Variants in LMF1 observed in about 807,000 individuals in gnomAD.
LMF1 encodes lipase maturation factor 1, also known as transmembrane protein 112.
Under a neutral mutation model 60.6 loss-of-function variants are expected in LMF1, and 68 were observed. The ratio of observed to expected loss-of-function variants is 1.12; its 90% CI spans 0.92 to 1.37. LMF1 has a LOEUF of 1.37. LMF1 is among the 40% of genes most tolerant of loss of function. LMF1 has a pLI of 0.00. For missense variants in LMF1, 948 were observed against 767.2 expected (o/e 1.24, Z -2.78); for synonymous variants, 418 against 324.7 (o/e 1.29, Z -3.09).
chr16:869,970 G>T lies in LMF1; in HGVS notation c.1329C>A (p.Cys443Ter). The T allele has an allele frequency of 6.2e-7, 1 of 1,613,358 alleles. No homozygotes were observed. The highest frequency in any genetic ancestry group is 8.5e-7 in the Non-Finnish European group (1 of 1,179,872). The change falls in exon 9 of 11, where the codon TGC (cysteine) becomes TGA (stop). Residue 443 changes from cysteine to a stop codon, truncating the protein, a stop_gained. Coordinates refer to ENST00000262301, the MANE Select transcript of LMF1 (RefSeq NM_022773.4). LOFTEE classifies it high-confidence loss of function. Reference sequence around the variant, plus strand: ...GCCGTCTGCTGGGGTCACCTGGCTTGCACTTGAACTCGTAGTCCTCCCACA... The same window carrying T: ...GCCGTCTGCTGGGGTCACCTGGCTTTCACTTGAACTCGTAGTCCTCCCACA... ...DAMWEDYEFKCKPGDPSRRPC... is the reference protein window; with the variant it reads ...DAMWEDYEFK
intron 5 of LMF1, among the ~76,000 whole-genome samples, chr16:879,954 T>C (rs1432519511): frequency 6.6e-6 from 1 of 152,232 alleles, no homozygotes; most frequent in East Asian, 1.9e-4. Flanking sequence ...TGTTCATTTT[T>C]GTCTTAAAAT....
chr16:938,014 T>G (rs1212000984), intron 2 of LMF1, among the ~76,000 whole-genome samples: 1 of 150,138 alleles, frequency 6.7e-6, no homozygotes, highest in Non-Finnish European at 1.5e-5. Flanking sequence ...AGGCCAAACG[T>G]GGATTTATTT....
Position 870,740 on chromosome 16 carries a change from C to T in LMF1, c.1221G>A (p.Gly407=). Reference sequence around the variant, plus strand: ...CCCCAGGCTCATACCTTCCGAAGGCCCCGTAAGTGTTGACGATGTGAAGAG... The same window carrying T: ...CCCCAGGCTCATACCTTCCGAAGGCTCCGTAAGTGTTGACGATGTGAAGAG... ...FNSLHIVNTY[G]AFGSITKERA... The change falls in exon 8 of 11, where the codon GGG becomes GGA. Residue 407 remains glycine, a synonymous_variant. Coordinates refer to ENST00000262301, the MANE Select transcript of LMF1 (RefSeq NM_022773.4). 6.2e-7 allele frequency: 1 copy of T among 1,612,886 alleles called. No homozygotes were observed. The highest frequency in any genetic ancestry group is 2.2e-5 in the East Asian group (1 of 44,874).
At chr16:949,140 G>C (rs2072355066) in intron 2 of LMF1, among the ~76,000 whole-genome samples, 1 of 148,864 alleles carries the variant, frequency 6.7e-6, no homozygotes, top group Admixed American at 6.7e-5. Flanking sequence ...GACAGAGTTA[G>C]AGACAATGAC....
rs1256969972 is a variant in LMF1, at chr16:897,029, A to G, written c.664-3957T>C. Among the ~76,000 whole-genome samples the G allele has an allele frequency of 1.3e-5, 2 of 151,946 alleles. No individual in the cohort carries two copies. The highest frequency in any genetic ancestry group is 3.9e-4 in the East Asian group (2 of 5,184). ...AAAAATGGCACAGACAGGCCAATAA[A>G]CGCACCAGACCCAAAGGGAGCCGGG... On this transcript the variant is annotated intron_variant, in intron 4 of 10. Coordinates refer to ENST00000262301, the MANE Select transcript of LMF1 (RefSeq NM_022773.4). This position sits in a 1 kb window ranked among gnomAD's most constrained non-coding sequence, Gnocchi z 4.3.
intron 3 of LMF1, among the ~76,000 whole-genome samples, chr16:925,732 T>A (rs1351203215): frequency 1.3e-5 from 2 of 152,218 alleles, no homozygotes; most frequent in African/African-American, 4.8e-5. Context: ...CAAGGCCCTG[T>A]CTCTGAAGAA....
intron 4 of LMF1, chr16:898,940 AG>A (rs1322291148): frequency 5.3e-5 from 8 of 152,240 alleles, no homozygotes; most frequent in Non-Finnish European, 2.9e-5. Context: ...CGGTAAGCAC[AG>A]GGGCTGGTTC....
At position 893,050 on chromosome 16, in the gene LMF1, T is replaced by TC. The variant is rs779869841; in HGVS notation, c.685dup (p.Asp229GlyfsTer15). ...GCAGGTGAGGTCTCGCCAGCACCGG[T>TC]CCCCCCGGATCTTGATCAGGCCCTG... On this transcript the variant is annotated frameshift_variant, in exon 5 of 11. Coordinates refer to ENST00000262301, the MANE Select transcript of LMF1 (RefSeq NM_022773.4). LOFTEE classifies it high-confidence loss of function. The TC allele has an allele frequency of 3.9e-5, 61 of 1,552,814 alleles. No homozygotes were observed. The highest frequency in any genetic ancestry group is 3.7e-5 in the Non-Finnish European group (43 of 1,148,636).
At chr16:942,394 C>T (rs940995465) in intron 2 of LMF1, among the ~76,000 whole-genome samples, 1 of 152,374 alleles carries the variant, frequency 6.6e-6, no homozygotes, top group African/African-American at 2.4e-5. Context: ...TTACTGCTTA[C>T]AGTGTGCTGA....
chr16:858,543 CAGTGGTGTCTCGGGACGGGTGTG>C (rs1567134220), intron 10 of LMF1, among the ~76,000 whole-genome samples: 109 of 9,306 alleles, frequency 0.012, 6 homozygotes, highest in South Asian at 0.027. Flanking sequence ...GACGGGTGTG[CAGTGGTGTCTCGGGACGGGTGTG>C]AGTGGTGTCT....
chr16:855,623 G>T (rs1307792754), intron 10 of LMF1: 1 of 444,210 alleles, frequency 2.3e-6, no homozygotes, highest in Non-Finnish European at 4.6e-6. Flanking sequence ...AGCAGGAGCG[G>T]AAGCTTCTCA....
At position 871,241 on chromosome 16, in the gene LMF1, G is replaced by A. The variant is rs2069781336; in HGVS notation, c.998C>T (p.Pro333Leu). ...FDDATLGFLF[P>L]SGPGSLKDRV... ...GTCCTTCAGGCTGCCTGGCCCAGAG[G>A]GGAACAAGAATCCCAGGGTGGCGTC... The change falls in exon 7 of 11, where the codon CCC becomes CTC. Residue 333 changes from proline (P) to leucine (L), a missense_variant. Physicochemically the swap from Pro to Leu is moderately conservative, Grantham distance 98. Transcript: ENST00000262301. 3.1e-6 allele frequency: 5 copies of A among 1,612,228 alleles called. No individual in the cohort carries two copies. Among genetic ancestry groups the A allele is most frequent in the South Asian group, 2.2e-5 (2 of 90,940 alleles).
upstream of LMF1, chr16:975,959 C>A: frequency 6.6e-6 from 3 of 453,712 alleles, no homozygotes; most frequent in South Asian, 4.7e-5. Context: ...TGGGAGGTTT[C>A]AAATGTGGAC....
chr16:980,847 G>A (rs1001073975), intron 1 of LMF1: 1 of 152,142 alleles, frequency 6.6e-6, no homozygotes, highest in African/African-American at 2.4e-5. Context: ...CAGGCTCGGA[G>A]CGGCCTCCGC....
intron 8 of LMF1, among the ~76,000 whole-genome samples, chr16:870,343 G>A (rs2069745590): frequency 6.6e-6 from 1 of 152,244 alleles, no homozygotes; most frequent in Non-Finnish European, 1.5e-5. Flanking sequence ...AGCTCAGGGT[G>A]GACATGAGGG....
chr16:942,654 C>T (rs2072133776), intron 2 of LMF1, among the ~76,000 whole-genome samples: 1 of 139,126 alleles, frequency 7.2e-6, no homozygotes, highest in African/African-American at 2.7e-5. Flanking sequence ...GTATGTTAGA[C>T]CACCTGGTGC....
At chr16:866,927 C>T (rs1048534799) in intron 10 of LMF1, among the ~76,000 whole-genome samples, 1 of 152,210 alleles carries the variant, frequency 6.6e-6, no homozygotes, top group African/African-American at 2.4e-5. Flanking sequence ...GAGGGCCCTG[C>T]TGGTGGCTCT....
At chr16:967,983 G>A (rs117827345) in intron 1 of LMF1, among the ~76,000 whole-genome samples, 9,271 of 152,274 alleles carry the variant, frequency 0.061, 347 homozygotes, top group Non-Finnish European at 0.087. Flanking sequence ...CTTCAACTCT[G>A]AGCCCTGTGA....
chr16:973,867 G>A (rs373331178), upstream of LMF1, among the ~76,000 whole-genome samples: 13 of 152,004 alleles, frequency 8.6e-5, no homozygotes, highest in East Asian at 1.4e-3. Context: ...AAAATTAGCC[G>A]GGCATGGTGG....
Sources: allele counts gnomAD v4.1 joint callset (sites outside exome capture counted in the v4.1 genomes callset), GRCh38; gene constraint gnomAD v4.1.1; non-coding constraint Gnocchi (gnomAD v3.1); transcripts MANE v1.5; gene names NCBI Gene and HGNC (gene_info 2026-07-23, HGNC 2026-07-21).